The following ANXA4 variants were observed in gnomAD, a reference collection of about 807,000 sequenced individuals.
ANXA4 encodes 35-beta calcimedin.
A neutral mutation model predicts 49.8 loss-of-function variants in ANXA4; 39 were observed. The ratio of observed to expected loss-of-function variants is 0.78; its 90% CI spans 0.61 to 1.02. ANXA4 has a LOEUF of 1.02. Ranked by LOEUF, ANXA4 falls within the 50% of genes least tolerant of loss-of-function variation. The pLI, the probability that ANXA4 is intolerant of heterozygous loss-of-function variation, is 0.00. For synonymous variants in ANXA4, 134 were observed against 152.5 expected (o/e 0.88, Z 0.89); for missense variants, 360 against 410.1 (o/e 0.88, Z 1.05).
intron 2 of ANXA4, among the ~76,000 whole-genome samples, chr2:69,667,627 C>G (rs1676987565): frequency 1.3e-5 from 2 of 152,202 alleles, no homozygotes; most frequent in Non-Finnish European, 2.9e-5. Context: ...GTTCTTCTCT[C>G]TCTTTTTTGT....
intron 2 of ANXA4, among the ~76,000 whole-genome samples, chr2:69,674,565 T>C (rs1677324102): frequency 6.6e-6 from 1 of 152,196 alleles, no homozygotes. Context: ...CTGGGCAAGC[T>C]AGTGAAGGAA....
chr2:69,818,776 T>C, intron 10 of ANXA4, 82 bp downstream of exon 10: 1 of 863,888 alleles, frequency 1.2e-6, no homozygotes, highest in Non-Finnish European at 1.8e-6. Context: ...GGATATAGAA[T>C]TATTTTTAGA....
intron 2 of ANXA4, among the ~76,000 whole-genome samples, chr2:69,706,773 C>G (rs1048415388): frequency 1.3e-5 from 2 of 152,156 alleles, no homozygotes; most frequent in African/African-American, 4.8e-5. Flanking sequence ...TAGCTTCTTT[C>G]ACTTAGTGTG....
intron 7 of ANXA4, 96 bp downstream of exon 7, chr2:69,810,769 G>T (rs1673670389): frequency 1.0e-6 from 1 of 952,836 alleles, no homozygotes; most frequent in East Asian, 2.4e-5. Flanking sequence ...CTGACATGTG[G>T]ATATTCCCCA....
At chr2:69,757,938 G>T (rs561115726) in intron 1 of ANXA4, among the ~76,000 whole-genome samples, 1 of 145,978 alleles carries the variant, frequency 6.9e-6, no homozygotes, top group Non-Finnish European at 1.5e-5. Context: ...CAGCCTGGGC[G>T]GCTGAATGAG....
intron 1 of ANXA4, among the ~76,000 whole-genome samples, chr2:69,749,700 G>A (rs965962077): frequency 2.0e-4 from 30 of 151,936 alleles, no homozygotes; most frequent in African/African-American, 4.6e-4. Context: ...TGAGGCAGGC[G>A]GATCACTTGA....
At chr2:69,818,556 C>A in intron 9 of ANXA4, 43 bp from the exon 10 acceptor site, 1 of 1,358,262 alleles carries the variant, frequency 7.4e-7, no homozygotes, top group Non-Finnish European at 1.0e-6. Flanking sequence ...TTAGTTTCCT[C>A]TGTTTTTTCT....
chr2:69,746,555 AT>A, intron 1 of ANXA4, among the ~76,000 whole-genome samples: 1 of 152,242 alleles, frequency 6.6e-6, no homozygotes, highest in Non-Finnish European at 1.5e-5. Context: ...ATCGGGAGTA[AT>A]TTATTAGTGT....
At chr2:69,648,352 G>GTTGCCACCTCA (rs1162584734) in intron 1 of ANXA4, among the ~76,000 whole-genome samples, 1 of 152,178 alleles carries the variant, frequency 6.6e-6, no homozygotes, top group African/African-American at 2.4e-5. Context: ...TTTTAGCGAA[G>GTTGCCACCTCA]TGGAACTTGT....
intron 1 of ANXA4, among the ~76,000 whole-genome samples, chr2:69,757,138 A>G (rs1212000958): frequency 6.7e-6 from 1 of 149,032 alleles, no homozygotes. Context: ...CATGTTAGCC[A>G]GGCTAATCTT....
At chr2:69,729,253 A>T in intron 3 of ANXA4, among the ~76,000 whole-genome samples, 1 of 150,584 alleles carries the variant, frequency 6.6e-6, no homozygotes, top group East Asian at 1.9e-4. Flanking sequence ...ACCTCAAGTG[A>T]TCCACCTGCC....
chr2:69,786,033 T>C (rs1672400120), intron 2 of ANXA4, among the ~76,000 whole-genome samples: 1 of 152,246 alleles, frequency 6.6e-6, no homozygotes, highest in African/African-American at 2.4e-5. Context: ...ATGTGACCTC[T>C]AGACTTATAC....
chr2:69,819,296 C>A lies in ANXA4; in HGVS notation c.741C>A (p.Asn247Lys). The change falls in exon 11 of 13, where the codon AAC (asparagine) becomes AAA (lysine). Residue 247 changes from asparagine (N) to lysine (K), a missense_variant. Transcript: ENST00000394295. ...CTTTGACAGTAAAGTGCATGAGGAA[C>A]AAATCTGCATATTTTGCTGAAAAGC... ...ALLAIVKCMR[N>K]KSAYFAEKLY... The A allele has an allele frequency of 6.2e-7, 1 of 1,607,074 alleles. No individual in the cohort carries two copies. The highest frequency in any genetic ancestry group is 8.5e-7 in the Non-Finnish European group (1 of 1,175,924).
chr2:69,791,758 A>G (rs1401704234), intron 3 of ANXA4, among the ~76,000 whole-genome samples: 2 of 152,250 alleles, frequency 1.3e-5, no homozygotes, highest in African/African-American at 4.8e-5. Flanking sequence ...TTAAAGTCCC[A>G]TGGCTTGATT....
intron 2 of ANXA4, among the ~76,000 whole-genome samples, chr2:69,713,186 A>AG (rs1210916790): frequency 6.6e-6 from 1 of 151,992 alleles, no homozygotes; most frequent in African/African-American, 2.4e-5. Context: ...ATGAAGTAAA[A>AG]AAAAAAAGAA....
At chr2:69,718,300 T>C (rs1249035041) in intron 2 of ANXA4, among the ~76,000 whole-genome samples, 2 of 152,210 alleles carry the variant, frequency 1.3e-5, no homozygotes, top group Admixed American at 1.3e-4. Flanking sequence ...AGGCTACCAC[T>C]GGGAGATGGA....
intron 2 of ANXA4, among the ~76,000 whole-genome samples, chr2:69,709,707 G>C (rs1559098885): frequency 6.6e-6 from 1 of 152,190 alleles, no homozygotes; most frequent in Non-Finnish European, 1.5e-5. Context: ...GGGCAGAGCT[G>C]GAATTATAGT....
intron 3 of ANXA4, among the ~76,000 whole-genome samples, chr2:69,726,479 GA>G (rs1306345234): frequency 6.6e-6 from 1 of 152,134 alleles, no homozygotes; most frequent in Non-Finnish European, 1.5e-5. Context: ...TACTATGCTA[GA>G]AAAATGCGAT....
intron 2 of ANXA4, among the ~76,000 whole-genome samples, chr2:69,692,237 C>T (rs1303940235): frequency 6.6e-6 from 1 of 152,104 alleles, no homozygotes; most frequent in African/African-American, 2.4e-5. Context: ...GGTGAAACCA[C>T]AGTAAGGAGA....
Sources: allele counts gnomAD v4.1 joint callset (sites outside exome capture counted in the v4.1 genomes callset), GRCh38; gene constraint gnomAD v4.1.1; transcripts MANE v1.5; gene names NCBI Gene and HGNC (gene_info 2026-07-23, HGNC 2026-07-21).